GRIN2B: variants seen among roughly 807,000 people sequenced by gnomAD.
GRIN2B encodes the protein glutamate ionotropic receptor NMDA type subunit 2B, also known as glutamate receptor ionotropic, NMDA 2B.
In GRIN2B, 5 loss-of-function variants were observed where a neutral mutation model predicts 114.5. The observed-to-expected ratio is 0.04, with a 90% confidence interval of 0.02 to 0.09. The LOEUF is 0.09. Ranked by LOEUF, GRIN2B falls within the 10% of genes least tolerant of loss-of-function variation. GRIN2B has a pLI of 1.00. For missense variants in GRIN2B, 1,108 were observed against 1,943.5 expected, an observed-to-expected ratio of 0.57 and a Z score of 8.08; for synonymous variants, 787 against 745.1, an observed-to-expected ratio of 1.06 and a Z score of -0.92.
chr12:13,828,260 G>T (rs1027026372), intron 3 of GRIN2B, among the ~76,000 whole-genome samples: 1 of 152,162 alleles, frequency 6.6e-6, no homozygotes, highest in African/African-American at 2.4e-5. Flanking sequence ...CTAAGATATG[G>T]CTCTTCTGAG....
At chr12:13,751,967 G>A (rs909883638) in intron 4 of GRIN2B, among the ~76,000 whole-genome samples, 2 of 152,142 alleles carry the variant, frequency 1.3e-5, no homozygotes, top group African/African-American at 4.8e-5. Context: ...TCTGTGCCAA[G>A]CAAGGGGCAA....
At chr12:13,798,632 G>C (rs1203970208) in intron 3 of GRIN2B, among the ~76,000 whole-genome samples, 2 of 152,084 alleles carry the variant, frequency 1.3e-5, no homozygotes, top group African/African-American at 4.8e-5. Flanking sequence ...TCTGCCTTAA[G>C]ATAACAAATG....
chr12:13,729,400 T>C (rs1863044656), intron 4 of GRIN2B, among the ~76,000 whole-genome samples: 1 of 152,204 alleles, frequency 6.6e-6, no homozygotes, highest in Non-Finnish European at 1.5e-5. Flanking sequence ...CGTTTTTATG[T>C]AGCTCTCTGT....
chr12:13,787,240 A>G (rs139745256), intron 3 of GRIN2B, among the ~76,000 whole-genome samples: 13 of 152,174 alleles, frequency 8.5e-5, no homozygotes, highest in African/African-American at 3.1e-4. Flanking sequence ...AAGAAGATGA[A>G]CTTCAGTGGA....
intron 4 of GRIN2B, among the ~76,000 whole-genome samples, chr12:13,739,278 G>A (rs966908936): frequency 6.7e-6 from 1 of 148,482 alleles, no homozygotes; most frequent in Admixed American, 6.8e-5. Flanking sequence ...GGGAGGCTGA[G>A]GCAGGAGAAT....
At chr12:13,726,898 T>G (rs1863000297) in intron 4 of GRIN2B, among the ~76,000 whole-genome samples, 1 of 152,064 alleles carries the variant, frequency 6.6e-6, no homozygotes, top group Non-Finnish European at 1.5e-5. Context: ...CTCCCACTTA[T>G]AAATAAGAAC....
intron 3 of GRIN2B, among the ~76,000 whole-genome samples, chr12:13,791,092 C>T (rs549772245): frequency 6.6e-6 from 1 of 152,240 alleles, no homozygotes; most frequent in Admixed American, 6.5e-5. Context: ...GTCATAATAT[C>T]ATAGCTACAG....
At chr12:13,578,157 C>T (rs1288915408) in intron 10 of GRIN2B, among the ~76,000 whole-genome samples, 1 of 152,184 alleles carries the variant, frequency 6.6e-6, no homozygotes, top group Non-Finnish European at 1.5e-5. Context: ...CAGCCTCAAG[C>T]AATCCTCCTA....
At chr12:13,690,886 A>G (rs1326003117) in intron 4 of GRIN2B, among the ~76,000 whole-genome samples, 1 of 152,186 alleles carries the variant, frequency 6.6e-6, no homozygotes, top group African/African-American at 2.4e-5. Context: ...AATATTCTTT[A>G]CTAACGTAAA....
intron 3 of GRIN2B, 104 bp downstream of exon 3, chr12:13,865,694 T>C: frequency 2.1e-6 from 2 of 947,886 alleles, no homozygotes. Flanking sequence ...CAATGCAATC[T>C]GGTTACCTTC....
At chr12:13,947,220 C>A (rs1027057668) in intron 2 of GRIN2B, among the ~76,000 whole-genome samples, 8 of 152,180 alleles carry the variant, frequency 5.3e-5, no homozygotes, top group Admixed American at 2.6e-4. Context: ...TGTTGCTTTT[C>A]CCACTGACTG....
intron 9 of GRIN2B, among the ~76,000 whole-genome samples, chr12:13,610,329 C>T (rs1005863874): frequency 5.9e-5 from 9 of 152,194 alleles, no homozygotes; most frequent in African/African-American, 1.7e-4. Context: ...TAATTGTAAG[C>T]CCTCGCTCTG....
intron 4 of GRIN2B, among the ~76,000 whole-genome samples, chr12:13,699,974 A>G (rs1273273993): frequency 6.6e-6 from 1 of 151,554 alleles, no homozygotes; most frequent in Non-Finnish European, 1.5e-5. Flanking sequence ...GTGACACCAG[A>G]CCCTCAGACC....
At chr12:13,723,572 A>G (rs1203209598) in intron 4 of GRIN2B, among the ~76,000 whole-genome samples, 4 of 151,844 alleles carry the variant, frequency 2.6e-5, no homozygotes, top group Non-Finnish European at 5.9e-5. Flanking sequence ...GAGTGGCTTT[A>G]GAAATCAGTT....
intron 10 of GRIN2B, among the ~76,000 whole-genome samples, chr12:13,607,209 TA>T (rs1299330753): frequency 9.1e-6 from 1 of 110,124 alleles, no homozygotes; most frequent in Non-Finnish European, 1.7e-5. Context: ...ATATAATATA[TA>T]AAATATATAT....
chr12:13,667,373 A>T (rs1949987256), intron 5 of GRIN2B, among the ~76,000 whole-genome samples: 1 of 152,166 alleles, frequency 6.6e-6, no homozygotes, highest in South Asian at 2.1e-4. Flanking sequence ...TGATTGTTCC[A>T]GAATCGATAT....
intron 5 of GRIN2B, among the ~76,000 whole-genome samples, chr12:13,629,997 T>A (rs969707591): frequency 6.6e-6 from 1 of 152,198 alleles, no homozygotes; most frequent in Non-Finnish European, 1.5e-5. Context: ...CAACTTGCCA[T>A]GATATCTTAT....
intron 3 of GRIN2B, among the ~76,000 whole-genome samples, chr12:13,770,810 T>G (rs1185593239): frequency 1.3e-5 from 2 of 152,238 alleles, no homozygotes; most frequent in African/African-American, 4.8e-5. Flanking sequence ...ATGTGCAGAG[T>G]TGGAAAGCTG....
At chr12:13,695,714 T>C (rs1370690082) in intron 4 of GRIN2B, among the ~76,000 whole-genome samples, 1 of 152,188 alleles carries the variant, frequency 6.6e-6, no homozygotes, top group African/African-American at 2.4e-5. Flanking sequence ...CAAGAACAGT[T>C]TTCAAACAGG....
Sources: gnomAD v4.1 joint callset for allele counts (sites outside exome capture counted in the v4.1 genomes callset) on GRCh38, gnomAD v4.1.1 for gene constraint, MANE v1.5 for transcripts, NCBI Gene and HGNC (gene_info 2026-07-23, HGNC 2026-07-21) for gene names.